ZNF44: variants seen among roughly 807,000 people sequenced by gnomAD.
ZNF44 encodes the protein gonadotropin inducible transcription repressor-2.
ZNF44 carries 9 observed loss-of-function variants against 11.7 expected under a neutral mutation model. The ratio of observed to expected loss-of-function variants is 0.77; its 90% CI spans 0.46 to 1.35. ZNF44 has a LOEUF of 1.35. ZNF44 is among the 40% of genes most tolerant of loss of function. ZNF44 has a pLI of 0.00. For synonymous variants in ZNF44, 224 were observed against 242.7 expected (o/e 0.92, Z 0.72); for missense variants, 696 against 743.1 (o/e 0.94, Z 0.74).
intron 5 of ZNF44, among the ~76,000 whole-genome samples, chr19:12,266,104 G>T (rs1443533735): frequency 6.6e-6 from 1 of 152,142 alleles, no homozygotes; most frequent in African/African-American, 2.4e-5. Context: ...GGTCCCGACT[G>T]CCGGCCGGAC....
intron 2 of ZNF44, among the ~76,000 whole-genome samples, chr19:12,233,011 CCTTA>C (rs1176158507): frequency 6.6e-6 from 1 of 152,164 alleles, no homozygotes; most frequent in Non-Finnish European, 1.5e-5. Flanking sequence ...TTAAAATTCA[CCTTA>C]ATCAAAAACT....
rs1452443943 is a variant in ZNF44, at chr19:12,273,523, T to G, written c.732A>C (p.Glu244Asp). The change falls in exon 4 of 4, where the codon GAA becomes GAC. Residue 244 changes from glutamate to aspartate, a missense_variant. Glu to Asp is a conservative substitution (Grantham distance 45). Coordinates refer to ENST00000355684, the MANE Select transcript of ZNF44 (RefSeq NM_016264.4). ...FPVYSSYLRH[E>D]KIHTGEKPYE... ...ACGGTTTCTCCCCAGTGTGTATTTT[T>G]TCATGTCTTAGATAGGAACTGTAAA... The G allele has an allele frequency of 1.2e-6, 2 of 1,614,110 alleles. No homozygotes were observed. The highest frequency in any genetic ancestry group is 1.3e-5 in the African/African-American group (1 of 75,024).
intron 3 of ZNF44, among the ~76,000 whole-genome samples, chr19:12,228,693 A>C (rs1426159459): frequency 2.6e-5 from 4 of 152,132 alleles, no homozygotes; most frequent in African/African-American, 7.2e-5. Flanking sequence ...TTTAAATATA[A>C]ATTATCTTTT....
chr19:12,266,434 C>T (rs929539858), intron 5 of ZNF44: 1 of 718,540 alleles, frequency 1.4e-6, no homozygotes, highest in African/African-American at 1.9e-5. Context: ...AAAACCCAAA[C>T]CCACGGGCTT....
downstream of ZNF44, among the ~76,000 whole-genome samples, chr19:12,267,833 C>CT (rs763187011): frequency 0.21 from 29,724 of 143,426 alleles, 3,864 homozygotes; most frequent in African/African-American, 0.39. Context: ...GACAGATTGT[C>CT]TTTTTTTTTT....
chr19:12,266,631 C>G (rs1917743027), intron 5 of ZNF44, among the ~76,000 whole-genome samples: 1 of 152,144 alleles, frequency 6.6e-6, no homozygotes, highest in Non-Finnish European at 1.5e-5. Flanking sequence ...GACCATTGCC[C>G]TTGCCAGCTT....
chr19:12,229,779 ATTTTT>A (rs1430490611), intron 3 of ZNF44, among the ~76,000 whole-genome samples: 12 of 151,876 alleles, frequency 7.9e-5, no homozygotes, highest in Non-Finnish European at 1.5e-4. Flanking sequence ...CACCCGGCTA[ATTTTT>A]TGTATTTTTA....
chr19:12,250,268 TC>T (rs1916937362), exon 6 of ZNF44: 1 of 1,365,254 alleles, frequency 7.3e-7, no homozygotes, highest in African/African-American at 1.5e-5. Context: ...CCTGAAGGTT[TC>T]CCACATCACG....
At chr19:12,244,129 C>T (rs1916703660), downstream of ZNF44, among the ~76,000 whole-genome samples, 1 of 152,266 alleles carries the variant, frequency 6.6e-6, no homozygotes, top group South Asian at 2.1e-4. Context: ...TCCTGACTCA[C>T]ACTTCTGAGT....
At chr19:12,284,288 T>G in intron 1 of ZNF44, 1 of 438,242 alleles carries the variant, frequency 2.3e-6, no homozygotes, top group Non-Finnish European at 4.2e-6. Flanking sequence ...TGGAGATAAC[T>G]AAAAGATAAA....
chr19:12,238,570 G>A (rs2145682120), upstream of ZNF44, among the ~76,000 whole-genome samples: 1 of 148,632 alleles, frequency 6.7e-6, no homozygotes, highest in South Asian at 2.1e-4. Context: ...AGAGGTTGCA[G>A]TGAGCCAAGA....
upstream of ZNF44, among the ~76,000 whole-genome samples, chr19:12,241,215 G>C (rs1377533781): frequency 6.6e-6 from 1 of 152,206 alleles, no homozygotes; most frequent in East Asian, 1.9e-4. Flanking sequence ...ACAACTGTTG[G>C]AATGGCTGCC....
At chr19:12,247,573 G>A (rs1916806755), downstream of ZNF44, 5 of 1,340,614 alleles carry the variant, frequency 3.7e-6, no homozygotes, top group Non-Finnish European at 5.0e-6. Flanking sequence ...AAACCTGCAA[G>A]AGTAATGTAT....
intron 7 of ZNF44, chr19:12,248,779 C>T: frequency 1.3e-6 from 1 of 768,072 alleles, no homozygotes; most frequent in Non-Finnish European, 1.8e-6. Context: ...AGGGAAAGTA[C>T]AGATTTTTTT....
intron 1 of ZNF44, among the ~76,000 whole-genome samples, chr19:12,288,993 C>G (rs938201082): frequency 6.6e-6 from 1 of 151,572 alleles, no homozygotes; most frequent in Non-Finnish European, 1.5e-5. Context: ...ACTGATTACT[C>G]TGAACAAAAT....
At chr19:12,267,043 C>CTTTTT (rs560631225), downstream of ZNF44, among the ~76,000 whole-genome samples, 3 of 139,804 alleles carry the variant, frequency 2.1e-5, no homozygotes, top group Non-Finnish European at 4.7e-5. Flanking sequence ...TTTCTTTTTT[C>CTTTTT]TTTTTTTTTT....
downstream of ZNF44, among the ~76,000 whole-genome samples, chr19:12,246,858 C>CA (rs55705628): frequency 3.1e-3 from 447 of 142,810 alleles, 1 homozygote; most frequent in African/African-American, 9.1e-3. Flanking sequence ...AGACCCATCT[C>CA]AAAAAAAAAA....
rs371499829 is a variant in ZNF44 at position 12,231,882 on chromosome 19, TG to T, written n.381-1368del. ...ACACCTGTGGGTGTTTCTCGTTAGG[TG>T]GAACAAGAGACTTGGAAAAGAAAAA... On this transcript the variant is annotated intron_variant and non_coding_transcript_variant, in intron 2 of 3. Coordinates refer to the ZNF44 transcript ENST00000597563. 2.3e-3 allele frequency among the ~76,000 whole-genome samples: 346 copies of T among 152,160 alleles called. 1 individual carries two copies. The highest frequency in any genetic ancestry group is 7.6e-3 in the African/African-American group (315 of 41,514).
At chr19:12,242,937 T>A (rs1916669203), downstream of ZNF44, 1 of 152,170 alleles carries the variant, frequency 6.6e-6, no homozygotes, top group African/African-American at 2.4e-5. Context: ...CTGGATTGAA[T>A]AACCAGATCA....
Sources: allele counts gnomAD v4.1 joint callset (sites outside exome capture counted in the v4.1 genomes callset), GRCh38; gene constraint gnomAD v4.1.1; transcripts MANE v1.5; gene names NCBI Gene and HGNC (gene_info 2026-07-23, HGNC 2026-07-21).